Variants in LRMDA observed in about 807,000 individuals in gnomAD.
LRMDA encodes leucine rich melanocyte differentiation associated, also known as leucine-rich melanocyte differentiation-associated protein.
LRMDA carries 18 observed loss-of-function variants against 29.8 expected under a neutral mutation model. The observed-to-expected ratio is 0.60, with a 90% CI of 0.42 to 0.90. The LOEUF is 0.90. LRMDA is among the 40% of genes least tolerant of loss of function. The pLI is 0.00. For synonymous variants in LRMDA, 125 were observed against 109.4 expected (o/e 1.14, Z -0.89); for missense variants, 273 against 273.9 (o/e 1.00, Z 0.02).
chr10:75,778,920 A>G (rs946483099), intron 2 of LRMDA, among the ~76,000 whole-genome samples: 1 of 152,192 alleles, frequency 6.6e-6, no homozygotes, highest in South Asian at 2.1e-4. Flanking sequence ...AAATTGGCCT[A>G]TTTGTAGGAA....
At chr10:76,017,635 T>C (rs1320316476) in intron 2 of LRMDA, among the ~76,000 whole-genome samples, 1 of 152,174 alleles carries the variant, frequency 6.6e-6, no homozygotes. Flanking sequence ...TGTGGGAAGG[T>C]ATCTTCCTGT....
chr10:75,912,444 A>G (rs1845857794), intron 2 of LRMDA, among the ~76,000 whole-genome samples: 1 of 152,172 alleles, frequency 6.6e-6, no homozygotes, highest in Non-Finnish European at 1.5e-5. Flanking sequence ...CTGAATTAGA[A>G]TTGTAGGGGT....
In LRMDA at chr10:76,128,095, A is replaced by G. The variant is rs559166496; in HGVS notation, c.516+69312A>G. 5.9e-5 allele frequency among the ~76,000 whole-genome samples: 9 copies of G among 152,332 alleles called. No individual in the cohort carries two copies. The South Asian group carries it at 1.7e-3, about 28-fold the overall frequency. On this transcript the variant is annotated intron_variant, in intron 5 of 6. Coordinates refer to ENST00000611255, the MANE Select transcript of LRMDA (RefSeq NM_001305581.2). ...TAGAGGTGAAAGGAGAGAATTGGCA[A>G]AGAAATTAATTCTCCAATAACTTGC...
At chr10:76,319,812 G>A (rs1358707097) in intron 5 of LRMDA, among the ~76,000 whole-genome samples, 4 of 152,134 alleles carry the variant, frequency 2.6e-5, no homozygotes, top group African/African-American at 4.8e-5. Context: ...AAGGGTGAGC[G>A]AGCATGCCAA....
At chr10:76,430,231 C>T (rs1445204686) in intron 6 of LRMDA, among the ~76,000 whole-genome samples, 1 of 152,134 alleles carries the variant, frequency 6.6e-6, no homozygotes, top group Non-Finnish European at 1.5e-5. Context: ...TACTGAGGCT[C>T]CAGGATTTTT....
At chr10:76,284,182 A>G (rs1840241793) in intron 5 of LRMDA, among the ~76,000 whole-genome samples, 1 of 152,214 alleles carries the variant, frequency 6.6e-6, no homozygotes, top group Non-Finnish European at 1.5e-5. Flanking sequence ...ATTACCTTAT[A>G]TGGCAAAAGG....
At chr10:75,958,578 C>T (rs1589266973) in intron 2 of LRMDA, among the ~76,000 whole-genome samples, 1 of 150,846 alleles carries the variant, frequency 6.6e-6, no homozygotes, top group African/African-American at 2.5e-5. Flanking sequence ...AAAAAACCTG[C>T]CCACTTTCTC....
chr10:76,166,053 G>C (rs767953883), intron 5 of LRMDA, among the ~76,000 whole-genome samples: 1 of 152,174 alleles, frequency 6.6e-6, no homozygotes, highest in Non-Finnish European at 1.5e-5. Context: ...CATTTGTAGC[G>C]GTTAGGCAGG....
At chr10:75,607,401 TTA>T (rs1840969564) in intron 2 of LRMDA, among the ~76,000 whole-genome samples, 1 of 152,240 alleles carries the variant, frequency 6.6e-6, no homozygotes, top group Non-Finnish European at 1.5e-5. Flanking sequence ...CTTAATTCTG[TTA>T]TGTTAAAGCT....
chr10:76,036,402 T>G (rs1040326512), intron 3 of LRMDA, among the ~76,000 whole-genome samples: 1 of 152,162 alleles, frequency 6.6e-6, no homozygotes, highest in Admixed American at 6.5e-5. Context: ...ATCTAAGTTA[T>G]GGCTGTGAAG....
chr10:75,612,882 G>GA (rs541470077), intron 2 of LRMDA, among the ~76,000 whole-genome samples: 8 of 150,212 alleles, frequency 5.3e-5, no homozygotes, highest in South Asian at 4.2e-4. Flanking sequence ...CTTTGGTGGG[G>GA]AAAAAAAAAT....
chr10:75,694,411 G>A (rs953488299), intron 2 of LRMDA, among the ~76,000 whole-genome samples: 3 of 152,284 alleles, frequency 2.0e-5, no homozygotes, highest in African/African-American at 7.2e-5. Flanking sequence ...ATAACTGAAA[G>A]GCAGTTGTAT....
At chr10:76,231,365 G>C (rs1239456581) in intron 5 of LRMDA, among the ~76,000 whole-genome samples, 5 of 152,186 alleles carry the variant, frequency 3.3e-5, no homozygotes, top group Non-Finnish European at 7.4e-5. Context: ...CAGAAGATAT[G>C]AATAGCCTGA....
intron 2 of LRMDA, among the ~76,000 whole-genome samples, chr10:75,771,460 A>G (rs1843240332): frequency 6.6e-6 from 1 of 152,134 alleles, no homozygotes; most frequent in African/African-American, 2.4e-5. Flanking sequence ...TTCCCGAGAG[A>G]GGGCACTGCC....
intron 2 of LRMDA, among the ~76,000 whole-genome samples, chr10:75,877,699 T>C (rs1352608747): frequency 6.6e-6 from 1 of 152,196 alleles, no homozygotes; most frequent in Non-Finnish European, 1.5e-5. Context: ...AGTATAAAAA[T>C]GTGCCACCTT....
intron 2 of LRMDA, among the ~76,000 whole-genome samples, chr10:75,880,112 C>G (rs1442360677): frequency 6.6e-6 from 1 of 152,178 alleles, no homozygotes; most frequent in African/African-American, 2.4e-5. Context: ...TGCGTGTCAT[C>G]AGTGTCCAAT....
chr10:75,616,276 C>CAGCAGCAGT (rs1295659894), intron 2 of LRMDA, among the ~76,000 whole-genome samples: 1 of 151,658 alleles, frequency 6.6e-6, no homozygotes, highest in Non-Finnish European at 1.5e-5. Flanking sequence ...GCAGCAGCAG[C>CAGCAGCAGT]AGCAGCAGTA....
At chr10:76,140,295 A>T (rs1487005293) in intron 5 of LRMDA, among the ~76,000 whole-genome samples, 1 of 152,164 alleles carries the variant, frequency 6.6e-6, no homozygotes, top group Non-Finnish European at 1.5e-5. Flanking sequence ...GGCTGACTGC[A>T]TCACCAGAGA....
Position 76,058,744 on chromosome 10 carries a change from G to T in LRMDA, c.477G>T (p.Ala159=). 1 of 1,614,146 alleles carries T rather than the reference G, an allele frequency of 6.2e-7. No individual in the cohort carries two copies. Among genetic ancestry groups the T allele is most frequent in the Non-Finnish European group, 8.5e-7 (1 of 1,180,000 alleles). ...TAACCAGACAAGAACGAGAGGAGGCGTTGGTCAGAGGAGTCTTCATGAAGG... is the reference window on the plus strand; with the variant it reads ...TAACCAGACAAGAACGAGAGGAGGCTTTGGTCAGAGGAGTCTTCATGAAGG... ...QKVTRQEREE[A]LVRGVFMKVV... The change falls in exon 5 of 7, where the codon GCG becomes GCT. Residue 159 remains alanine (A), a synonymous_variant. Coordinates refer to ENST00000611255, the MANE Select transcript of LRMDA (RefSeq NM_001305581.2).
Sources: allele counts gnomAD v4.1 joint callset (sites outside exome capture counted in the v4.1 genomes callset), GRCh38; gene constraint gnomAD v4.1.1; transcripts MANE v1.5; gene names NCBI Gene and HGNC (gene_info 2026-07-23, HGNC 2026-07-21).